REV1: variants seen among roughly 807,000 people sequenced by gnomAD.
The protein encoded by REV1 is translesion synthesis protein REV1.
A neutral mutation model predicts 137.4 loss-of-function variants in REV1; 42 were observed. That is an observed-to-expected ratio of 0.31 (90% CI 0.24 to 0.40). The LOEUF is 0.40. Ranked by LOEUF, REV1 falls within the 10% of genes least tolerant of loss-of-function variation. The pLI is 1.00. For synonymous variants in REV1, 524 were observed against 519.2 expected (o/e 1.01, Z -0.12); for missense variants, 1,282 against 1,490.1 (o/e 0.86, Z 2.30).
intron 15 of REV1, among the ~76,000 whole-genome samples, chr2:99,407,084 T>A: frequency 8.5e-6 from 1 of 117,830 alleles, no homozygotes; most frequent in African/African-American, 3.3e-5. Context: ...AAGGTTCTTT[T>A]TTTTTTTTTT....
chr2:99,434,874 T>C (rs916431048), intron 7 of REV1, among the ~76,000 whole-genome samples: 2 of 152,120 alleles, frequency 1.3e-5, no homozygotes, highest in Non-Finnish European at 2.9e-5. Flanking sequence ...ACTAAATACA[T>C]ATGCATAGGA....
chr2:99,425,594 A>G (rs1326710929), intron 9 of REV1, among the ~76,000 whole-genome samples: 1 of 152,376 alleles, frequency 6.6e-6, no homozygotes, highest in South Asian at 2.1e-4. Flanking sequence ...ATATATGTAG[A>G]AACATAAAAT....
intron 17 of REV1, chr2:99,405,268 A>G (rs1322297881): frequency 6.5e-6 from 1 of 153,408 alleles, no homozygotes; most frequent in African/African-American, 2.4e-5. Flanking sequence ...ATGCAATCCC[A>G]TCAACTGGGT....
rs752505000 is a variant in REV1 at position 99,407,979 on chromosome 2, G to C, written c.2448+50C>G. ...CCTTTTGAGAGCAAGCCTCAAAAAT[G>C]AGAGATACATTACACAAAGTCAGAA... On this transcript the variant is annotated intron_variant, in intron 15 of 22. Transcript: ENST00000258428. The C allele has an allele frequency of 2.6e-6, 3 of 1,138,688 alleles. No individual in the cohort carries two copies. In the South Asian group the frequency reaches 5.0e-5, roughly 19 times the overall value. 70.5% of individuals were successfully genotyped at this position (1,138,688 alleles called of 1,614,324 possible). A position where few individuals can be genotyped will look rare whatever the true frequency, so the allele number is the denominator to read the frequency against.
intron 3 of REV1, among the ~76,000 whole-genome samples, chr2:99,454,368 T>G (rs184030607): frequency 6.6e-6 from 1 of 151,728 alleles, no homozygotes; most frequent in East Asian, 1.9e-4. Flanking sequence ...CTGACCAACA[T>G]GGAGAAACCC....
At chr2:99,476,044 C>T (rs756440705) in intron 1 of REV1, among the ~76,000 whole-genome samples, 6 of 152,244 alleles carry the variant, frequency 3.9e-5, no homozygotes, top group South Asian at 2.1e-4. Context: ...GTTTTAAAAA[C>T]GCTTTCAACA....
At chr2:99,480,601 T>G (rs943705902) in intron 1 of REV1, among the ~76,000 whole-genome samples, 1 of 152,180 alleles carries the variant, frequency 6.6e-6, no homozygotes, top group African/African-American at 2.4e-5. Flanking sequence ...AGTCATTAGA[T>G]CTCTGAACTC....
chr2:99,476,186 G>A (rs1484042094), intron 1 of REV1, among the ~76,000 whole-genome samples: 12 of 152,178 alleles, frequency 7.9e-5, no homozygotes, highest in Non-Finnish European at 1.3e-4. Flanking sequence ...TTTGCCCTTG[G>A]TTCCTGGGAG....
At chr2:99,463,769 G>A (rs1434965207) in intron 2 of REV1, among the ~76,000 whole-genome samples, 1 of 152,028 alleles carries the variant, frequency 6.6e-6, no homozygotes, top group African/African-American at 2.4e-5. Flanking sequence ...GATTATAGGT[G>A]CTCACCACTA....
At chr2:99,418,191 A>T (rs1678153173) in intron 12 of REV1, among the ~76,000 whole-genome samples, 1 of 152,220 alleles carries the variant, frequency 6.6e-6, no homozygotes, top group African/African-American at 2.4e-5. Context: ...CTATAAATGA[A>T]GATGGAAGAC....
chr2:99,404,004 C>T (rs540025745), intron 18 of REV1, among the ~76,000 whole-genome samples, 189 bp from the exon 19 acceptor site: 6 of 151,358 alleles, frequency 4.0e-5, no homozygotes, highest in Admixed American at 3.9e-4. Flanking sequence ...GAATTAAGAG[C>T]AAGAATAAGG....
intron 4 of REV1, among the ~76,000 whole-genome samples, chr2:99,445,960 A>T (rs2104907444): frequency 1.3e-5 from 2 of 152,380 alleles, no homozygotes; most frequent in African/African-American, 4.8e-5. Context: ...AACGTTTATT[A>T]AATAGCTAAT....
chr2:99,477,427 AAACACTGAGGTGCTC>A (rs1353069236), intron 1 of REV1, among the ~76,000 whole-genome samples: 2 of 152,200 alleles, frequency 1.3e-5, no homozygotes, highest in Non-Finnish European at 2.9e-5. Flanking sequence ...GGAACCCCTA[AAACACTGAGGTGCTC>A]ACCTACTACG....
At chr2:99,426,034 CT>C (rs1254776929) in intron 9 of REV1, among the ~76,000 whole-genome samples, 1 of 148,964 alleles carries the variant, frequency 6.7e-6, no homozygotes, top group African/African-American at 2.5e-5. Flanking sequence ...GAAACTCCAT[CT>C]CAAAAAAAGA....
chr2:99,458,345 T>G (rs1055808156), intron 3 of REV1, among the ~76,000 whole-genome samples: 4 of 152,188 alleles, frequency 2.6e-5, no homozygotes, highest in African/African-American at 7.2e-5. Flanking sequence ...GAAAGAATGT[T>G]CAACATTATT....
At chr2:99,472,974 T>G (rs1685581394) in intron 1 of REV1, among the ~76,000 whole-genome samples, 1 of 152,206 alleles carries the variant, frequency 6.6e-6, no homozygotes, top group Non-Finnish European at 1.5e-5. Context: ...GGCTACAGTT[T>G]TCAAACAATT....
At chr2:99,456,989 CATTTTCAT>C (rs1683605577) in intron 3 of REV1, among the ~76,000 whole-genome samples, 1 of 152,160 alleles carries the variant, frequency 6.6e-6, no homozygotes, top group Non-Finnish European at 1.5e-5. Flanking sequence ...TGTCTTTCTC[CATTTTCAT>C]TTGGAAAATG....
intron 9 of REV1, among the ~76,000 whole-genome samples, chr2:99,426,926 G>A (rs1679455689): frequency 1.3e-5 from 2 of 152,192 alleles, no homozygotes; most frequent in African/African-American, 4.8e-5. Context: ...GCTCACTCCT[G>A]TAATCCCAGC....
At chr2:99,462,674 C>G in intron 2 of REV1, 52 bp from the exon 3 acceptor site, 1 of 1,563,254 alleles carries the variant, frequency 6.4e-7, no homozygotes, top group Non-Finnish European at 8.6e-7. Context: ...TTTCTCCCCC[C>G]TTTTTTGAAA....
Sources: allele counts gnomAD v4.1 joint callset (sites outside exome capture counted in the v4.1 genomes callset), GRCh38; gene constraint gnomAD v4.1.1; transcripts MANE v1.5; gene names NCBI Gene and HGNC (gene_info 2026-07-23, HGNC 2026-07-21).